SYT14: variants seen among roughly 807,000 people sequenced by gnomAD.
The protein encoded by SYT14 is synaptotagmin 14.
In SYT14, 32 loss-of-function variants were observed where a neutral mutation model predicts 74.2. The ratio of observed to expected loss-of-function variants is 0.43; its 90% CI spans 0.33 to 0.58. SYT14 has a LOEUF of 0.58. Ranked by LOEUF, SYT14 falls within the 20% of genes least tolerant of loss-of-function variation. SYT14 has a pLI of 0.05. For missense variants in SYT14, 791 were observed against 981.8 expected, an observed-to-expected ratio of 0.81 and a Z score of 2.60; for synonymous variants, 298 against 337.7, an observed-to-expected ratio of 0.88 and a Z score of 1.29.
rs1259798018 is a variant in SYT14 at position 210,059,449 on chromosome 1, TATAGAG to T, written c.1313-34871_1313-34866del. On this transcript the variant is annotated intron_variant, in intron 5 of 9. Coordinates refer to ENST00000637265, the Ensembl canonical transcript of SYT14. The stretch of plus-strand genomic sequence containing the variant: ...AAGAATATATATATATATATATATA[TATAGAG>T]AGAGAGAGAGAGAGAGAGAGAGAGA... Among the ~76,000 whole-genome samples, 664 of 89,660 alleles carry T rather than the reference TATAGAG, an allele frequency of 7.4e-3. 5 individuals are homozygous for T. The highest frequency in any genetic ancestry group is 0.026 in the African/African-American group (439 of 17,196). 58.8% of individuals were successfully genotyped at this position (89,660 alleles called of 152,430 possible). A position where few individuals can be genotyped will look rare whatever the true frequency, so the allele number is the denominator to read the frequency against.
intron 2 of SYT14, among the ~76,000 whole-genome samples, chr1:210,002,879 A>G (rs1359198846): frequency 1.3e-5 from 2 of 152,066 alleles, no homozygotes; most frequent in Non-Finnish European, 1.5e-5. Context: ...TATTCCATAT[A>G]ATATATTATT....
rs533761773 is a variant in SYT14, at chr1:209,977,852, A to G, written c.-486+25096A>G. ...TCACTTTCAGGTACACCAATCAGAC[A>G]TAGATTTGGTCTTTTCACATAGTCC... On this transcript the variant is annotated intron_variant, in intron 2 of 9. Transcript: ENST00000637265. Among the ~76,000 whole-genome samples, 412 of 151,502 alleles carry G rather than the reference A, an allele frequency of 2.7e-3. 4 individuals are homozygous for G. The highest frequency in any genetic ancestry group is 2.3e-3 in the Non-Finnish European group (157 of 67,862).
intron 2 of SYT14, among the ~76,000 whole-genome samples, chr1:209,991,489 G>T (rs953957473): frequency 1.3e-5 from 2 of 152,126 alleles, no homozygotes; most frequent in African/African-American, 4.8e-5. Flanking sequence ...CAGACATTTT[G>T]CAAAGGAAGA....
At chr1:210,161,720 C>G in exon 10 of SYT14, 1 of 453,816 alleles carries the variant, frequency 2.2e-6, no homozygotes. Flanking sequence ...CCTCCGCTTT[C>G]GCCTGATCCA....
exon 4 of SYT14, chr1:210,016,577 G>A: frequency 8.1e-7 from 1 of 1,231,944 alleles, no homozygotes; most frequent in East Asian, 3.2e-5. Context: ...TTTAAAGGAG[G>A]TAGGATATCA....
chr1:209,941,530 T>C (rs1338056449), intron 1 of SYT14, among the ~76,000 whole-genome samples: 1 of 152,208 alleles, frequency 6.6e-6, no homozygotes. Flanking sequence ...TTTTTTGTTG[T>C]ATTTGAAATT....
chr1:210,142,985 A>G (rs957222173), intron 7 of SYT14, among the ~76,000 whole-genome samples: 5 of 152,324 alleles, frequency 3.3e-5, no homozygotes, highest in Middle Eastern at 3.4e-3. Flanking sequence ...CAGTAGATCA[A>G]TTACTTCCCA....
At chr1:210,135,964 C>G (rs914597619) in intron 7 of SYT14, among the ~76,000 whole-genome samples, 2 of 152,148 alleles carry the variant, frequency 1.3e-5, no homozygotes, top group Admixed American at 6.6e-5. Context: ...TTGATTCCTT[C>G]CAGCACTTCT....
At chr1:209,971,959 G>C (rs1378555052) in intron 2 of SYT14, among the ~76,000 whole-genome samples, 1 of 152,056 alleles carries the variant, frequency 6.6e-6, no homozygotes, top group Non-Finnish European at 1.5e-5. Flanking sequence ...CAGTACGATT[G>C]GCACCAGTTC....
At chr1:210,078,022 G>A (rs12024432) in intron 5 of SYT14, among the ~76,000 whole-genome samples, 3,680 of 152,158 alleles carry the variant, frequency 0.024, 63 homozygotes, top group Non-Finnish European at 0.033. Context: ...ATAAAAATAT[G>A]CATCTAGGCC....
chr1:210,115,888 A>G (rs1176825587), intron 7 of SYT14, among the ~76,000 whole-genome samples: 1 of 151,226 alleles, frequency 6.6e-6, no homozygotes, highest in Non-Finnish European at 1.5e-5. Context: ...GCTTTGTGTG[A>G]GCAATAAAGC....
chr1:209,969,178 G>A (rs1394869696), intron 2 of SYT14, among the ~76,000 whole-genome samples: 1 of 152,004 alleles, frequency 6.6e-6, no homozygotes, highest in Non-Finnish European at 1.5e-5. Context: ...CCATGTCTTT[G>A]CTATTGTGAA....
At position 210,100,356 on chromosome 1, in the gene SYT14, GA is replaced by G; in HGVS notation, c.1935del (p.Glu646LysfsTer11). 1 of 1,613,882 alleles carries G rather than the reference GA, an allele frequency of 6.2e-7. No individual in the cohort carries two copies. Among genetic ancestry groups the G allele is most frequent in the Non-Finnish European group, 8.5e-7 (1 of 1,179,920 alleles). ...TTAGACTGTATGGTGTACATCGCATGAAAAAAGAAAAGATTGTGGGGGAAAA... is the reference window on the plus strand; with the variant it reads ...TTAGACTGTATGGTGTACATCGCATGAAAAAGAAAAGATTGTGGGGGAAAA... On this transcript the variant is annotated frameshift_variant, in exon 7 of 10. Coordinates refer to ENST00000637265, the Ensembl canonical transcript of SYT14. LOFTEE classifies it high-confidence loss of function.
intron 2 of SYT14, 101 bp from the exon 3 acceptor site, chr1:210,013,532 T>C (rs2080125374): frequency 2.6e-6 from 3 of 1,154,082 alleles, no homozygotes; most frequent in Non-Finnish European, 3.7e-6. Context: ...AAAAATATAA[T>C]TCAAATAAGG....
intron 2 of SYT14, among the ~76,000 whole-genome samples, chr1:209,996,070 T>A (rs2079784258): frequency 6.6e-6 from 1 of 151,680 alleles, no homozygotes; most frequent in African/African-American, 2.4e-5. Flanking sequence ...CTAAAGGAAC[T>A]AGAAAAGAAG....
chr1:210,093,666 G>T (rs1046612273), intron 5 of SYT14, among the ~76,000 whole-genome samples: 2 of 152,208 alleles, frequency 1.3e-5, no homozygotes, highest in Non-Finnish European at 2.9e-5. Context: ...CACAGATGTA[G>T]AGTGGGATAG....
At chr1:210,155,693 A>G in intron 7 of SYT14, 28 bp from the exon 7 acceptor site, 1 of 1,611,514 alleles carries the variant, frequency 6.2e-7, no homozygotes, top group Non-Finnish European at 8.5e-7. Flanking sequence ...CTTGCAAAAT[A>G]CTATAAAAAT....
At chr1:210,163,033 A>G (rs898517743) in exon 10 of SYT14, 15 of 453,522 alleles carry the variant, frequency 3.3e-5, no homozygotes, top group African/African-American at 3.0e-4. Flanking sequence ...TGAAGAGGGG[A>G]TGTAGATTTT....
chr1:210,007,430 T>C (rs542299852), intron 2 of SYT14, among the ~76,000 whole-genome samples: 1 of 152,014 alleles, frequency 6.6e-6, no homozygotes, highest in Non-Finnish European at 1.5e-5. Flanking sequence ...TTTAAATTCA[T>C]ATTTGTTTTA....
Sources: allele counts gnomAD v4.1 joint callset (sites outside exome capture counted in the v4.1 genomes callset), GRCh38; gene constraint gnomAD v4.1.1; transcripts MANE v1.5; gene names NCBI Gene and HGNC (gene_info 2026-07-23, HGNC 2026-07-21).